CYB5R4: variants seen among roughly 807,000 people sequenced by gnomAD.
The protein encoded by CYB5R4 is N-terminal cytochrome b5 and cytochrome b5 oxidoreductase domain-containing protein.
In CYB5R4, 55 loss-of-function variants were observed where a neutral mutation model predicts 70.2. That is an observed-to-expected ratio of 0.78 (90% CI 0.63 to 0.98). The LOEUF (loss-of-function observed/expected upper bound fraction) is 0.98, where lower values mean the gene tolerates loss of function less well. CYB5R4 is among the 50% of genes least tolerant of loss of function. CYB5R4 has a pLI of 0.00. For synonymous variants in CYB5R4, 197 were observed against 199.5 expected (o/e 0.99, Z 0.11); for missense variants, 562 against 612.6 (o/e 0.92, Z 0.87).
At chr6:83,943,455 C>G (rs2099470077) in intron 14 of CYB5R4, among the ~76,000 whole-genome samples, 1 of 152,030 alleles carries the variant, frequency 6.6e-6, no homozygotes, top group Non-Finnish European at 1.5e-5. Context: ...AACACTCCAT[C>G]CAAAGGTCAC....
rs1478087389 is a variant in CYB5R4, at chr6:83,963,452, A to G, written c.*3574A>G. 1 of 152,194 alleles carries G rather than the reference A, an allele frequency of 6.6e-6. No individual in the cohort carries two copies. The highest frequency in any genetic ancestry group is 2.4e-5 in the African/African-American group (1 of 41,450). 9.4% of individuals were successfully genotyped at this position (152,194 alleles called of 1,614,324 possible). A position where few individuals can be genotyped will look rare whatever the true frequency, so the allele number is the denominator to read the frequency against. On this transcript the variant is annotated 3_prime_UTR_variant, in exon 16 of 16. Transcript: ENST00000369681. ...TAACAGACCCCCATTTTTGGGCAGA[A>G]AAAACAGATTCTGTATGATCTACAG...
intron 10 of CYB5R4, among the ~76,000 whole-genome samples, chr6:83,934,231 A>T (rs1015590455): frequency 4.0e-5 from 6 of 150,120 alleles, no homozygotes; most frequent in African/African-American, 1.5e-4. Context: ...CAATCTCTTT[A>T]AAAAAAAATT....
intron 3 of CYB5R4, among the ~76,000 whole-genome samples, chr6:83,898,017 T>C (rs1463798451): frequency 1.3e-5 from 2 of 152,242 alleles, no homozygotes; most frequent in African/African-American, 4.8e-5. Context: ...AGGGTTTTTA[T>C]GGTTTTAAAC....
chr6:83,880,310 A>G (rs1182121492), intron 2 of CYB5R4, among the ~76,000 whole-genome samples: 2 of 152,118 alleles, frequency 1.3e-5, no homozygotes, highest in Admixed American at 1.3e-4. Flanking sequence ...CTTGTTTTGG[A>G]AAATAGGAAA....
intron 14 of CYB5R4, among the ~76,000 whole-genome samples, chr6:83,954,938 G>T (rs2099472104): frequency 6.6e-6 from 1 of 150,650 alleles, no homozygotes; most frequent in Non-Finnish European, 1.5e-5. Flanking sequence ...TAGAAACTAG[G>T]TCTCACTGTG....
At chr6:83,929,769 G>A (rs2099467873) in intron 10 of CYB5R4, among the ~76,000 whole-genome samples, 1 of 152,010 alleles carries the variant, frequency 6.6e-6, no homozygotes, top group Non-Finnish European at 1.5e-5. Context: ...AATTGATACT[G>A]TCTTTAATAT....
At chr6:83,899,716 T>G (rs1319583980) in intron 3 of CYB5R4, among the ~76,000 whole-genome samples, 1 of 152,194 alleles carries the variant, frequency 6.6e-6, no homozygotes, top group Non-Finnish European at 1.5e-5. Flanking sequence ...GTCGAGGAAT[T>G]TATCCATTTC....
intron 14 of CYB5R4, among the ~76,000 whole-genome samples, chr6:83,948,178 A>T (rs973525487): frequency 2.6e-5 from 4 of 152,248 alleles, no homozygotes. Context: ...ACCATGGAAT[A>T]CTATGCAGCC....
At chr6:83,958,137 G>C (rs2099472714) in intron 15 of CYB5R4, among the ~76,000 whole-genome samples, 1 of 152,132 alleles carries the variant, frequency 6.6e-6, no homozygotes, top group Non-Finnish European at 1.5e-5. Context: ...TATGATAACA[G>C]AGAAAGACTC....
chr6:83,907,375 C>G, intron 3 of CYB5R4, among the ~76,000 whole-genome samples: 1 of 152,130 alleles, frequency 6.6e-6, no homozygotes, highest in East Asian at 1.9e-4. Flanking sequence ...GCAGTAGAAT[C>G]ACTTTGTTTC....
chr6:83,904,743 G>T (rs138781748), intron 3 of CYB5R4, among the ~76,000 whole-genome samples: 319 of 152,218 alleles, frequency 2.1e-3, no homozygotes, highest in African/African-American at 7.1e-3. Context: ...CAGAATTTCT[G>T]TTTGGTTCTT....
intron 12 of CYB5R4, among the ~76,000 whole-genome samples, chr6:83,939,619 G>T (rs184805478): frequency 2.0e-5 from 3 of 152,324 alleles, no homozygotes; most frequent in Admixed American, 6.5e-5. Context: ...AATAATCAAT[G>T]TGTAAATAGT....
At chr6:83,899,913 C>T (rs1022064212) in intron 3 of CYB5R4, among the ~76,000 whole-genome samples, 1 of 152,086 alleles carries the variant, frequency 6.6e-6, no homozygotes, top group South Asian at 2.1e-4. Flanking sequence ...TTTCAAAAAA[C>T]CAGCTCCTGG....
intron 4 of CYB5R4, 38 bp from the exon 5 acceptor site, chr6:83,914,378 T>C (rs1448130417): frequency 1.3e-6 from 2 of 1,510,224 alleles, no homozygotes; most frequent in East Asian, 4.7e-5. Context: ...GACATTAAAG[T>C]ATTCTTATTT....
chr6:83,884,116 G>A (rs61761506), intron 2 of CYB5R4, among the ~76,000 whole-genome samples: 1,895 of 151,960 alleles, frequency 0.012, 42 homozygotes, highest in African/African-American at 0.043. Flanking sequence ...AAGTGTAAAT[G>A]AATCGAGCAC....
At chr6:83,921,853 A>G (rs1455985191) in intron 8 of CYB5R4, among the ~76,000 whole-genome samples, 1 of 152,258 alleles carries the variant, frequency 6.6e-6, no homozygotes, top group African/African-American at 2.4e-5. Flanking sequence ...GACATTTGTA[A>G]GCGTATTTCT....
chr6:83,901,780 A>T (rs533850926), intron 3 of CYB5R4, among the ~76,000 whole-genome samples: 1 of 151,264 alleles, frequency 6.6e-6, no homozygotes, highest in Non-Finnish European at 1.5e-5. Context: ...CATGTCCCTG[A>T]TGATCAGTGA....
At chr6:83,868,170 CT>C (rs150797150) in intron 2 of CYB5R4, among the ~76,000 whole-genome samples, 24 of 146,800 alleles carry the variant, frequency 1.6e-4, no homozygotes, top group South Asian at 4.3e-4. Context: ...ATCATAGTGC[CT>C]TTTTTTTTTC....
rs534118446 is a variant in CYB5R4, at chr6:83,934,097, T to A, written c.815-498T>A. Among the ~76,000 whole-genome samples, 62 of 152,196 alleles carry A rather than the reference T, an allele frequency of 4.1e-4. 3 individuals are homozygous for A. The South Asian group carries it at 0.012, about 30-fold the overall frequency. On this transcript the variant is annotated intron_variant, in intron 10 of 15. Coordinates refer to ENST00000369681, the MANE Select transcript of CYB5R4 (RefSeq NM_016230.4). ...CTTGAGTTTCAGGACTTTTCCATGG[T>A]GTAAGAAAAGATTTTAGAATGTACC...
Sources: gnomAD v4.1 joint callset for allele counts (sites outside exome capture counted in the v4.1 genomes callset) on GRCh38, gnomAD v4.1.1 for gene constraint, MANE v1.5 for transcripts, NCBI Gene and HGNC (gene_info 2026-07-23, HGNC 2026-07-21) for gene names.